The following WDR33 variants were observed in gnomAD, a reference collection of about 807,000 sequenced individuals.
The protein encoded by WDR33 is WD repeat domain 33.
Under a neutral mutation model 164.9 loss-of-function variants are expected in WDR33, and 47 were observed. The observed-to-expected ratio is 0.29, with a 90% CI of 0.23 to 0.36. The LOEUF (loss-of-function observed/expected upper bound fraction) is 0.36, where lower values mean the gene tolerates loss of function less well. WDR33 is among the 10% of genes least tolerant of loss of function. The pLI is 1.00. For synonymous variants in WDR33, 505 were observed against 589.0 expected, an observed-to-expected ratio of 0.86 and a Z score of 2.06; for missense variants, 1,137 against 1,754.1, an observed-to-expected ratio of 0.65 and a Z score of 6.28.
In WDR33 at chr2:127,719,988, C is replaced by G; in HGVS notation, c.2037G>C (p.Arg679Ser). The change falls in exon 16 of 22, where the codon AGG (arginine) becomes AGC (serine). Residue 679 changes from arginine to serine, a missense_variant. By Grantham distance (110) the Arg-to-Ser change is moderately radical. Transcript: ENST00000322313. The surrounding 1 kb of genome is among the most constrained non-coding windows in gnomAD (Gnocchi z 6.5). The part of the protein sequence containing the change: ...QDMHGPQGMQ[R>S]HPGPHGPLGP... ...CCAAAGGGCCATGAGGTCCAGGATG[C>G]CTCTGCATTCCTTGGGGCCCATGCA... 6.2e-7 allele frequency: 1 copy of G among 1,613,814 alleles called. No homozygotes were observed. The highest frequency in any genetic ancestry group is 8.5e-7 in the Non-Finnish European group (1 of 1,179,922).
chr2:127,784,536 C>A (rs1038341523), intron 1 of WDR33, among the ~76,000 whole-genome samples: 11 of 152,030 alleles, frequency 7.2e-5, no homozygotes, highest in African/African-American at 2.2e-4. Flanking sequence ...GTACGTGACA[C>A]CTCACCTGGC....
intron 1 of WDR33, among the ~76,000 whole-genome samples, chr2:127,782,286 T>C (rs570931333): frequency 6.6e-6 from 1 of 151,798 alleles, no homozygotes; most frequent in East Asian, 1.9e-4. Context: ...CGCACATCTG[T>C]AATATCAGCT....
chr2:127,808,188 AT>A (rs67509052), intron 1 of WDR33, among the ~76,000 whole-genome samples: 3,243 of 152,338 alleles, frequency 0.021, 124 homozygotes, highest in African/African-American at 0.075. Context: ...AAGAAAAAAA[AT>A]GTTAACATTT....
In WDR33 at chr2:127,719,933, T is replaced by C; in HGVS notation, c.2092A>G (p.Ser698Gly). ...GPQGPPGPQG[S>G]SGPQGHMGPQ... Reference sequence around the variant, plus strand: ...CCCATATGACCTTGAGGACCAGAACTACCTTGTGGTCCAGGTGGCCCTTGA... The same window carrying C: ...CCCATATGACCTTGAGGACCAGAACCACCTTGTGGTCCAGGTGGCCCTTGA... Residue 698 changes from serine (S) to glycine (G), a missense_variant, in exon 16 of 22, where the codon AGT becomes GGT. Ser to Gly is a moderately conservative substitution (Grantham distance 56, BLOSUM62 0). Around this residue, in one of 9 missense-constraint regions of WDR33, gnomAD observed 867 missense variants for 1,073.0 expected, o/e 0.81. Coordinates refer to ENST00000322313, the MANE Select transcript of WDR33 (RefSeq NM_018383.5). This position sits in a 1 kb window ranked among gnomAD's most constrained non-coding sequence, Gnocchi z 6.5. The C allele has an allele frequency of 6.2e-7, 1 of 1,613,942 alleles. No homozygotes were observed. The highest frequency in any genetic ancestry group is 8.5e-7 in the Non-Finnish European group (1 of 1,179,970).
At chr2:127,728,986 G>A (rs1003386707) in intron 7 of WDR33, among the ~76,000 whole-genome samples, 1 of 152,142 alleles carries the variant, frequency 6.6e-6, no homozygotes, top group African/African-American at 2.4e-5. Flanking sequence ...AACTTCAGCT[G>A]CTTTGCTTTC....
intron 1 of WDR33, among the ~76,000 whole-genome samples, chr2:127,784,499 C>T (rs937145754): frequency 2.6e-5 from 4 of 152,328 alleles, no homozygotes; most frequent in African/African-American, 9.6e-5. Flanking sequence ...TCTTCCACCT[C>T]AGCCTCCAGA....
intron 1 of WDR33, among the ~76,000 whole-genome samples, chr2:127,774,166 C>T (rs1418945847): frequency 6.6e-6 from 1 of 151,384 alleles, no homozygotes; most frequent in African/African-American, 2.4e-5. Flanking sequence ...ATTCTGCTGC[C>T]TCAGCCTCCC....
At position 127,811,010 on chromosome 2, in the gene WDR33, A is replaced by C. The variant is rs1475932965; in HGVS notation, c.-24+2T>G. 6.5e-6 allele frequency: 1 copy of C among 152,690 alleles called. No homozygotes were observed. Among genetic ancestry groups the C allele is most frequent in the Non-Finnish European group, 1.5e-5 (1 of 68,090 alleles). 9.5% of individuals were successfully genotyped at this position (152,690 alleles called of 1,614,324 possible). On this transcript the variant is annotated splice_donor_variant, in intron 1 of 21. Transcript: ENST00000322313. LOFTEE classifies it low-confidence loss of function (5UTR_SPLICE). This position sits in a 1 kb window ranked among gnomAD's most constrained non-coding sequence, Gnocchi z 4.1. ...GCAGTCCCGTGTCGCCGCCGCACTCACCGTCTGGCTTTGAGCAGAGCTCCT... is the reference window on the plus strand; with the variant it reads ...GCAGTCCCGTGTCGCCGCCGCACTCCCCGTCTGGCTTTGAGCAGAGCTCCT...
At position 127,718,681 on chromosome 2, in the gene WDR33, G is replaced by T. The variant is rs538251887; in HGVS notation, c.2760+584C>A. 5.4e-4 allele frequency among the ~76,000 whole-genome samples: 82 copies of T among 152,140 alleles called. No individual in the cohort carries two copies. The highest frequency in any genetic ancestry group is 1.0e-3 in the Non-Finnish European group (69 of 67,984). ...AACTTGAGCAGAGTTTCATCCAAAG[G>T]GTCACCATTTCCAGAATGCTCAATT... is the stretch of plus-strand genomic sequence containing the variant. On this transcript the variant is annotated intron_variant, in intron 16 of 21. Coordinates refer to ENST00000322313, the MANE Select transcript of WDR33 (RefSeq NM_018383.5). This position sits in a 1 kb window ranked among gnomAD's most constrained non-coding sequence, Gnocchi z 4.4.
Position 127,771,015 on chromosome 2 carries a change from G to A in WDR33, c.-23-11C>T, listed in dbSNP as rs1195970153. On this transcript the variant is annotated splice_polypyrimidine_tract_variant and intron_variant, in intron 1 of 21. Transcript: ENST00000322313. ...TTTCCTTCTAGGATACTAGGATAAG[G>A]AAAAAGTACTTTCACTACAAATATC... 3.8e-6 allele frequency: 6 copies of A among 1,597,162 alleles called. No homozygotes were observed. Among genetic ancestry groups the A allele is most frequent in the South Asian group, 2.2e-5 (2 of 89,214 alleles).
At chr2:127,746,853 C>T (rs1303701979) in intron 7 of WDR33, among the ~76,000 whole-genome samples, 1 of 152,190 alleles carries the variant, frequency 6.6e-6, no homozygotes, top group Non-Finnish European at 1.5e-5. Context: ...GTTAACAATA[C>T]ACAATAGTTA....
chr2:127,801,213 C>T (rs1421266222), intron 1 of WDR33, among the ~76,000 whole-genome samples: 1 of 151,890 alleles, frequency 6.6e-6, no homozygotes, highest in African/African-American at 2.4e-5. Flanking sequence ...GAGCCCGGGA[C>T]GTTGAGGCAC....
At position 127,759,762 on chromosome 2, in the gene WDR33, T is replaced by C. The variant is rs141088319; in HGVS notation, c.724+3300A>G. ...TAAATTCTGCATTCAAAAGTACAAG[T>C]CCAGTGTGGTGGCTCACAGTATAAT... On this transcript the variant is annotated intron_variant, in intron 7 of 21. Coordinates refer to ENST00000322313, the MANE Select transcript of WDR33 (RefSeq NM_018383.5). 1.3e-3 allele frequency among the ~76,000 whole-genome samples: 199 copies of C among 151,280 alleles called. 1 individual carries two copies. The highest frequency in any genetic ancestry group is 3.3e-3 in the Admixed American group (50 of 15,208).
At chr2:127,725,295 T>C in intron 8 of WDR33, 80 bp from the exon 9 acceptor site, 1 of 1,392,462 alleles carries the variant, frequency 7.2e-7, no homozygotes, top group Non-Finnish European at 9.6e-7. Flanking sequence ...GAAAAGCGAA[T>C]TAATCAAGAT....
chr2:127,737,917 T>C (rs1686897542), intron 7 of WDR33: 1 of 1,549,506 alleles, frequency 6.5e-7, no homozygotes, highest in Non-Finnish European at 8.7e-7. Context: ...CAACTGTAAT[T>C]TGAATCTATG....
At position 127,726,516 on chromosome 2, in the gene WDR33, T is replaced by A; in HGVS notation, c.851+135A>T. 8.5e-7 allele frequency: 1 copy of A among 1,181,418 alleles called. No individual in the cohort carries two copies. The allele number at this position is 1,181,418 out of a possible 1,614,324, so 73.2% of individuals were successfully genotyped here. Reference sequence around the variant, plus strand: ...TGAATCATATTTAATTCATAAGAAGTCTATAGATCCAAGTCCATCTGTTGC... The same window carrying A: ...TGAATCATATTTAATTCATAAGAAGACTATAGATCCAAGTCCATCTGTTGC... On this transcript the variant is annotated intron_variant, in intron 8 of 21. Coordinates refer to ENST00000322313, the MANE Select transcript of WDR33 (RefSeq NM_018383.5). The surrounding 1 kb of genome is among the most constrained non-coding windows in gnomAD (Gnocchi z 4.8).
chr2:127,715,088 C>CTTTTTTTTTTTTTTTTTTTT (rs386391178), intron 17 of WDR33, among the ~76,000 whole-genome samples: 1 of 108,568 alleles, frequency 9.2e-6, no homozygotes, highest in African/African-American at 3.8e-5. Flanking sequence ...TTCTTTGTTT[C>CTTTTTTTTTTTTTTTTTTTT]TTTTTTTTTT....
chr2:127,741,133 T>A lies in WDR33; in HGVS notation c.725-14356A>T, dbSNP rs1309536928. ...TGACTTCCTGTTTCTGTAGAACAGA[T>A]GCTCTCAGTCAGACAAAGCAAATTA... On this transcript the variant is annotated intron_variant, in intron 7 of 21. Transcript: ENST00000322313. The surrounding 1 kb of genome is among the most constrained non-coding windows in gnomAD (Gnocchi z 4.1). 6.6e-6 allele frequency among the ~76,000 whole-genome samples: 1 copy of A among 152,226 alleles called. No homozygotes were observed. Among genetic ancestry groups the A allele is most frequent in the East Asian group, 1.9e-4 (1 of 5,198 alleles).
chr2:127,762,403 A>T, intron 7 of WDR33: 1 of 603,782 alleles, frequency 1.7e-6, no homozygotes, highest in Non-Finnish European at 2.1e-6. Context: ...ACATTGATGT[A>T]CTGTTAATAT....
Sources: gnomAD v4.1 joint callset for allele counts (sites outside exome capture counted in the v4.1 genomes callset) on GRCh38, gnomAD v4.1.1 for gene constraint, gnomAD v4.1.1 regional missense constraint, Gnocchi (gnomAD v3.1) non-coding constraint, MANE v1.5 for transcripts, NCBI Gene and HGNC (gene_info 2026-07-23, HGNC 2026-07-21) for gene names.